NTRK3: variants seen among roughly 807,000 people sequenced by gnomAD.
NTRK3 encodes the protein NT-3 growth factor receptor.
In NTRK3, 24 loss-of-function variants were observed where a neutral mutation model predicts 91.7. The ratio of observed to expected loss-of-function variants is 0.26; its 90% CI spans 0.19 to 0.37. The LOEUF is 0.37. Ranked by LOEUF, NTRK3 falls within the 10% of genes least tolerant of loss-of-function variation. The probability of loss-of-function intolerance (pLI) is 1.00; values close to 1 mark genes in which losing one functional copy is unlikely to be tolerated. For synonymous variants in NTRK3, 483 were observed against 404.0 expected (o/e 1.20, Z -2.34); for missense variants, 880 against 1,068.9 (o/e 0.82, Z 2.46).
intron 13 of NTRK3, among the ~76,000 whole-genome samples, chr15:88,109,094 A>T (rs538961447): frequency 6.6e-6 from 1 of 152,124 alleles, no homozygotes; most frequent in Non-Finnish European, 1.5e-5. Context: ...TTCTCCCCCA[A>T]TCCATGGGGA....
At chr15:88,040,058 G>A (rs967858254) in intron 13 of NTRK3, among the ~76,000 whole-genome samples, 3 of 152,200 alleles carry the variant, frequency 2.0e-5, no homozygotes, top group East Asian at 3.8e-4. Context: ...CTAAATTGTG[G>A]GAGCTAAGAA....
intron 17 of NTRK3, chr15:87,925,598 A>T: frequency 4.7e-6 from 1 of 212,582 alleles, no homozygotes; most frequent in East Asian, 6.9e-5. Context: ...TCATAGAGAG[A>T]ATCCTTCACA....
intron 13 of NTRK3, among the ~76,000 whole-genome samples, chr15:88,067,700 C>T (rs2046774302): frequency 6.6e-6 from 1 of 152,164 alleles, no homozygotes; most frequent in Non-Finnish European, 1.5e-5. Context: ...AGAAAAGAGG[C>T]CAAAGTTGGT....
intron 3 of NTRK3, among the ~76,000 whole-genome samples, chr15:88,205,558 G>A (rs900698097): frequency 6.6e-6 from 1 of 152,142 alleles, no homozygotes; most frequent in Admixed American, 6.5e-5. Context: ...AGGGATACAG[G>A]AAGCCAGCCA....
At chr15:88,184,267 A>C (rs1441141555) in exon 4 of NTRK3, 1 of 1,602,058 alleles carries the variant, frequency 6.2e-7, no homozygotes, top group Non-Finnish European at 8.5e-7. Flanking sequence ...CACGGCGTTG[A>C]GCGTGTGAAG....
chr15:87,919,289 C>T (rs2067679835), intron 17 of NTRK3, among the ~76,000 whole-genome samples: 1 of 152,056 alleles, frequency 6.6e-6, no homozygotes, highest in Admixed American at 6.5e-5. Context: ...TGCCAAGAGC[C>T]CAAAAACAAA....
chr15:87,932,045 G>T (rs1696236970), intron 16 of NTRK3, among the ~76,000 whole-genome samples: 1 of 152,112 alleles, frequency 6.6e-6, no homozygotes, highest in Non-Finnish European at 1.5e-5. Flanking sequence ...TCCACATCTG[G>T]GCACTGTTTG....
chr15:88,039,616 T>C (rs1596899780), intron 13 of NTRK3, among the ~76,000 whole-genome samples: 1 of 152,354 alleles, frequency 6.6e-6, no homozygotes, highest in East Asian at 1.9e-4. Flanking sequence ...TTATTCCAAG[T>C]TGGGATTCAG....
chr15:88,047,406 T>C (rs191122347), intron 13 of NTRK3, among the ~76,000 whole-genome samples: 10 of 152,130 alleles, frequency 6.6e-5, no homozygotes, highest in Non-Finnish European at 1.3e-4. Context: ...GATTCTATAG[T>C]AGTGAGTTAG....
chr15:87,898,846 T>A (rs900088444), intron 17 of NTRK3, among the ~76,000 whole-genome samples: 2,313 of 83,034 alleles, frequency 0.028, 36 homozygotes, highest in African/African-American at 0.075. Context: ...AAAAAAAAAA[T>A]ACAAAAATTA....
At chr15:88,027,949 C>T (rs367651831) in intron 14 of NTRK3, among the ~76,000 whole-genome samples, 2 of 151,892 alleles carry the variant, frequency 1.3e-5, no homozygotes, top group African/African-American at 2.4e-5. Flanking sequence ...GGTCCCATTG[C>T]GATAGCATGG....
At chr15:88,164,389 A>G (rs1381477879) in intron 5 of NTRK3, among the ~76,000 whole-genome samples, 1 of 152,194 alleles carries the variant, frequency 6.6e-6, no homozygotes, top group Non-Finnish European at 1.5e-5. Context: ...CTGGAGAACA[A>G]TCTTCAGAAT....
rs745489334 is a variant in NTRK3 at position 88,136,629 on chromosome 15, G to A, written c.623-20C>T. On this transcript the variant is annotated intron_variant, in intron 7 of 18. Coordinates refer to ENST00000394480, the Ensembl canonical transcript of NTRK3. ...GAAGGTCTGGGAGCCAGACAAAGTG[G>A]GTGAAAAGACAGGCAAACACTTACT... 1 of 1,609,682 alleles carries A rather than the reference G, an allele frequency of 6.2e-7. No homozygotes were observed. Among genetic ancestry groups the A allele is most frequent in the Non-Finnish European group, 8.5e-7 (1 of 1,178,700 alleles).
chr15:88,003,416 T>G (rs2076254704), intron 14 of NTRK3, among the ~76,000 whole-genome samples: 1 of 152,224 alleles, frequency 6.6e-6, no homozygotes, highest in South Asian at 2.1e-4. Flanking sequence ...GAGCTAACTT[T>G]GCACCAGGCA....
intron 13 of NTRK3, among the ~76,000 whole-genome samples, chr15:88,049,812 G>A (rs1436121966): frequency 6.6e-6 from 1 of 152,200 alleles, no homozygotes; most frequent in Non-Finnish European, 1.5e-5. Flanking sequence ...AGAGAAACTT[G>A]AAGTGTTAGA....
chr15:88,031,976 C>T (rs1245900593), intron 14 of NTRK3, among the ~76,000 whole-genome samples: 1 of 152,136 alleles, frequency 6.6e-6, no homozygotes, highest in African/African-American at 2.4e-5. Flanking sequence ...AAGGTGAGGC[C>T]TCAACCTAGC....
intron 17 of NTRK3, among the ~76,000 whole-genome samples, chr15:87,887,530 C>A (rs572750328): frequency 1.3e-5 from 2 of 152,146 alleles, no homozygotes; most frequent in Non-Finnish European, 2.9e-5. Context: ...AGTAACTGTT[C>A]ATTGTGTGTG....
chr15:87,949,935 C>T (rs1257928100), intron 14 of NTRK3, among the ~76,000 whole-genome samples: 1 of 152,306 alleles, frequency 6.6e-6, no homozygotes, highest in African/African-American at 2.4e-5. Context: ...GGGCCCCCTC[C>T]TTCCTCTGCC....
exon 19 of NTRK3, chr15:87,876,985 G>T: frequency 6.2e-7 from 1 of 1,613,924 alleles, no homozygotes; most frequent in South Asian, 1.1e-5. Flanking sequence ...AAAGCATGGA[G>T]GATTTTGTAG....
Sources: allele counts gnomAD v4.1 joint callset (sites outside exome capture counted in the v4.1 genomes callset), GRCh38; gene constraint gnomAD v4.1.1; transcripts MANE v1.5; gene names NCBI Gene and HGNC (gene_info 2026-07-23, HGNC 2026-07-21).